The following ZNF471 variants were observed in gnomAD, a reference collection of about 807,000 sequenced individuals.
ZNF471 encodes the protein zinc finger protein 471.
ZNF471 carries 7 observed loss-of-function variants against 13.7 expected under a neutral mutation model. The ratio of observed to expected loss-of-function variants is 0.51; its 90% CI spans 0.29 to 0.96. The LOEUF is 0.96. ZNF471 is among the 40% of genes least tolerant of loss of function. The pLI is 0.08. For synonymous variants in ZNF471, 218 were observed against 235.6 expected (o/e 0.93, Z 0.68); for missense variants, 663 against 743.3 (o/e 0.89, Z 1.26).
rs2044071060 is a variant in ZNF471 at position 56,528,269 on chromosome 19, C to T, written c.*2321C>T. ...TAAAATACTTGATGTACATAAAGTG[C>T]TTAGCAAAATGACCAACTCATACTA... On this transcript the variant is annotated 3_prime_UTR_variant, in exon 5 of 5. Transcript: ENST00000308031. 6.6e-6 allele frequency: 1 copy of T among 152,130 alleles called. No homozygotes were observed. Among genetic ancestry groups the T allele is most frequent in the Non-Finnish European group, 1.5e-5 (1 of 68,036 alleles). The allele number at this position is 152,130 out of a possible 1,614,324, so 9.4% of individuals were successfully genotyped here. A position where few individuals can be genotyped will look rare whatever the true frequency, so the allele number is the denominator to read the frequency against.
At chr19:56,517,317 T>G (rs1462214203) in intron 3 of ZNF471, among the ~76,000 whole-genome samples, 1 of 148,684 alleles carries the variant, frequency 6.7e-6, no homozygotes, top group Admixed American at 6.7e-5. Flanking sequence ...TTTTTTTTTT[T>G]TTTGAAACGG....
chr19:56,523,725 A>T (rs140315984), intron 4 of ZNF471, among the ~76,000 whole-genome samples: 97 of 152,308 alleles, frequency 6.4e-4, no homozygotes, highest in African/African-American at 2.2e-3. Context: ...AAGAGAGCTT[A>T]ATTTATAGTC....
At chr19:56,520,848 A>T (rs2043960696) in intron 4 of ZNF471, among the ~76,000 whole-genome samples, 1 of 152,168 alleles carries the variant, frequency 6.6e-6, no homozygotes. Context: ...TTTAGTTATA[A>T]GTGTTGTTTG....
At chr19:56,511,108 T>TTC in intron 1 of ZNF471, 1 of 772,604 alleles carries the variant, frequency 1.3e-6, no homozygotes, top group Non-Finnish European at 1.6e-6. Flanking sequence ...TTTTTTTTTT[T>TTC]CCCAAAAACC....
rs769578737 is a variant in ZNF471 at position 56,518,857 on chromosome 19, G to A, written c.256+280G>A. On this transcript the variant is annotated intron_variant, in intron 4 of 4. Transcript: ENST00000308031. ...TCATTATCCAGCTCCTTACCATCCC[G>A]TCTTTCGCTTTGCCATACAGACTTA... Among the ~76,000 whole-genome samples the A allele has an allele frequency of 4.6e-5, 7 of 152,106 alleles. No homozygotes were observed. The South Asian group carries it at 8.3e-4, about 18-fold the overall frequency.
intron 1 of ZNF471, chr19:56,511,100 T>G (rs1047468942): frequency 9.7e-5 from 92 of 945,508 alleles, no homozygotes; most frequent in Admixed American, 1.9e-4. Context: ...CTTTTGTTTT[T>G]TTTTTTTTCC....
intron 3 of ZNF471, among the ~76,000 whole-genome samples, chr19:56,517,305 T>TC (rs2043904869): frequency 6.8e-6 from 1 of 147,182 alleles, no homozygotes; most frequent in Non-Finnish European, 1.5e-5. Context: ...CTAATTTTTT[T>TC]TTTTTTTTTT....
chr19:56,524,326 T>G lies in ZNF471; in HGVS notation c.259T>G (p.Trp87Gly). 1 of 1,518,690 alleles carries G rather than the reference T, an allele frequency of 6.6e-7. No homozygotes were observed. The highest frequency in any genetic ancestry group is 8.8e-7 in the Non-Finnish European group (1 of 1,136,532). 94.1% of individuals were successfully genotyped at this position (1,518,690 alleles called of 1,614,324 possible). A position where few individuals can be genotyped will look rare whatever the true frequency, so the allele number is the denominator to read the frequency against. ...CACTTTTTTTTAATATCTTTCAGAT[T>G]GGGAATCTATATATGTGACACAGGA... is the stretch of plus-strand genomic sequence containing the variant. ...SEMTRSPFSD[W>G]ESIYVTQELP... The change falls in exon 5 of 5, where the codon TGG becomes GGG. Residue 87 changes from tryptophan to glycine, a missense_variant and splice_region_variant. Transcript: ENST00000308031. The surrounding 1 kb of genome is among the most constrained non-coding windows in gnomAD (Gnocchi z 4.8).
Position 56,525,441 on chromosome 19 carries a change from G to T in ZNF471, c.1374G>T (p.Pro458=). 1 of 1,613,906 alleles carries T rather than the reference G, an allele frequency of 6.2e-7. No individual in the cohort carries two copies. Among genetic ancestry groups the T allele is most frequent in the Non-Finnish European group, 8.5e-7 (1 of 1,179,988 alleles). ...QHQRVHSGEK[P]YECKECGKAF... ...AAAGAGTACATTCTGGAGAGAAACC[G>T]TATGAATGCAAGGAATGTGGGAAAG... is the stretch of plus-strand genomic sequence containing the variant. Residue 458 remains proline (P), a synonymous_variant, in exon 5 of 5, where the codon CCG becomes CCT. Transcript: ENST00000308031.
In ZNF471 at chr19:56,527,778, A is replaced by G. The variant is rs536303214; in HGVS notation, c.*1830A>G. Reference sequence around the variant, plus strand: ...GTAAAGAATGTGCAAATGTCCTCAGACAAGATGCACACCTTGCTCATTAGT... The same window carrying G: ...GTAAAGAATGTGCAAATGTCCTCAGGCAAGATGCACACCTTGCTCATTAGT... On this transcript the variant is annotated 3_prime_UTR_variant, in exon 5 of 5. Transcript: ENST00000308031. 2 of 152,330 alleles carry G rather than the reference A, an allele frequency of 1.3e-5. No individual in the cohort carries two copies. Among genetic ancestry groups the G allele is most frequent in the South Asian group, 4.1e-4 (2 of 4,822 alleles). 9.4% of individuals were successfully genotyped at this position (152,330 alleles called of 1,614,324 possible).
Position 56,510,798 on chromosome 19 carries a change from G to C in ZNF471, c.-55-719G>C, listed in dbSNP as rs1276332566. 1.0e-6 allele frequency: 1 copy of C among 985,334 alleles called. No individual in the cohort carries two copies. Among genetic ancestry groups the C allele is most frequent in the Non-Finnish European group, 1.2e-6 (1 of 829,994 alleles). 61.0% of individuals were successfully genotyped at this position (985,334 alleles called of 1,614,324 possible). ...TTGCCGGGATAGGAAATGTGGAATA[G>C]AATTCCTGTCCCCAGTCCAAGGGTT... On this transcript the variant is annotated intron_variant, in intron 1 of 4. Coordinates refer to ENST00000308031, the MANE Select transcript of ZNF471 (RefSeq NM_020813.4). The surrounding 1 kb of genome is among the most constrained non-coding windows in gnomAD (Gnocchi z 4.3).
intron 4 of ZNF471, among the ~76,000 whole-genome samples, chr19:56,523,336 C>T (rs1340675639): frequency 2.0e-5 from 3 of 150,202 alleles, no homozygotes; most frequent in South Asian, 2.1e-4. Flanking sequence ...CACTCCAGCC[C>T]GGACAACTGA....
At chr19:56,512,503 G>A (rs2043825573) in intron 2 of ZNF471, among the ~76,000 whole-genome samples, 1 of 151,800 alleles carries the variant, frequency 6.6e-6, no homozygotes, top group Non-Finnish European at 1.5e-5. Flanking sequence ...TACATTACAT[G>A]TATAATTTAT....
Position 56,525,308 on chromosome 19 carries a change from C to T in ZNF471, c.1241C>T (p.Ser414Leu), listed in dbSNP as rs372818781. ...GGTGTGTGTGGAAAAACCTTCAGCTCGGGTTCATCCCGTACTGTACATCAG... is the reference window on the plus strand; with the variant it reads ...GGTGTGTGTGGAAAAACCTTCAGCTTGGGTTCATCCCGTACTGTACATCAG... ...KCGVCGKTFS[S>L]GSSRTVHQRI... is the part of the protein sequence containing the mutation. Residue 414 changes from serine (S) to leucine (L), a missense_variant, in exon 5 of 5, where the codon TCG (serine) becomes TTG (leucine). Physicochemically the swap from Ser to Leu is moderately radical, Grantham distance 145. Coordinates refer to ENST00000308031, the MANE Select transcript of ZNF471 (RefSeq NM_020813.4). The T allele has an allele frequency of 8.8e-5, 141 of 1,611,342 alleles. No individual in the cohort carries two copies. The highest frequency in any genetic ancestry group is 1.6e-4 in the Middle Eastern group (1 of 6,070).
In ZNF471 at chr19:56,526,458, A is replaced by T. The variant is rs1290458113; in HGVS notation, c.*510A>T. On this transcript the variant is annotated 3_prime_UTR_variant, in exon 5 of 5. Transcript: ENST00000308031. ...TGGGCGGCCATTCGGGCAGACACCG[A>T]GCTAGCTGTAGGAGTTTTTTTGATA... 4 of 153,490 alleles carry T rather than the reference A, an allele frequency of 2.6e-5. No homozygotes were observed. Among genetic ancestry groups the T allele is most frequent in the Non-Finnish European group, 4.4e-5 (3 of 68,912 alleles). 9.5% of individuals were successfully genotyped at this position (153,490 alleles called of 1,614,324 possible). A position where few individuals can be genotyped will look rare whatever the true frequency, so the allele number is the denominator to read the frequency against.
Position 56,527,705 on chromosome 19 carries a change from T to A in ZNF471, c.*1757T>A, listed in dbSNP as rs1306444340. 1 of 152,198 alleles carries A rather than the reference T, an allele frequency of 6.6e-6. No homozygotes were observed. Among genetic ancestry groups the A allele is most frequent in the Non-Finnish European group, 1.5e-5 (1 of 68,038 alleles). 9.4% of individuals were successfully genotyped at this position (152,198 alleles called of 1,614,324 possible). ...ACAGAAGAAAAACCTTCAGCCAGAT[T>A]GAATGCTTTACAGGGAAGAATTCAT... On this transcript the variant is annotated 3_prime_UTR_variant, in exon 5 of 5. Transcript: ENST00000308031.
intron 4 of ZNF471, among the ~76,000 whole-genome samples, chr19:56,519,207 A>C (rs2147918641): frequency 6.6e-6 from 1 of 152,228 alleles, no homozygotes; most frequent in South Asian, 2.1e-4. Flanking sequence ...GGTAATTCCA[A>C]ATCTGATTGC....
intron 1 of ZNF471, chr19:56,509,831 T>C (rs985914979): frequency 1.0e-6 from 1 of 984,964 alleles, no homozygotes; most frequent in Non-Finnish European, 1.2e-6. Context: ...TTTTTCCTCT[T>C]TGTCACCTGA....
rs1307032930 is a variant in ZNF471, at chr19:56,522,426, G to A, written c.257-1898G>A. On this transcript the variant is annotated intron_variant, in intron 4 of 4. Coordinates refer to ENST00000308031, the MANE Select transcript of ZNF471 (RefSeq NM_020813.4). The surrounding 1 kb of genome is among the most constrained non-coding windows in gnomAD (Gnocchi z 4.1). ...GTATTATCTTCTCAAAACTTTTTTT[G>A]TTGGTCTTGTCTTCCTAAATTACTT... 6.6e-6 allele frequency among the ~76,000 whole-genome samples: 1 copy of A among 151,880 alleles called. No homozygotes were observed. Among genetic ancestry groups the A allele is most frequent in the South Asian group, 2.1e-4 (1 of 4,810 alleles).
Sources: allele counts gnomAD v4.1 joint callset (sites outside exome capture counted in the v4.1 genomes callset), GRCh38; gene constraint gnomAD v4.1.1; non-coding constraint Gnocchi (gnomAD v3.1); transcripts MANE v1.5; gene names NCBI Gene and HGNC (gene_info 2026-07-23, HGNC 2026-07-21).